The following SEPTIN9 variants were observed in gnomAD, a reference collection of about 807,000 sequenced individuals.
SEPTIN9 encodes septin-9.
Under a neutral mutation model 56.6 loss-of-function variants are expected in SEPTIN9, and 13 were observed. That is an observed-to-expected ratio of 0.23 (90% confidence interval 0.15 to 0.37). SEPTIN9 has a LOEUF of 0.37. Among genes scored for constraint, SEPTIN9 ranks in the 10% least tolerant of loss-of-function variants. The pLI is 1.00. For missense variants in SEPTIN9, 650 were observed against 823.1 expected, an observed-to-expected ratio of 0.79 and a Z score of 2.57; for synonymous variants, 332 against 334.1, an observed-to-expected ratio of 0.99 and a Z score of 0.07.
chr17:77,479,683 C>T (rs545969450), intron 3 of SEPTIN9, among the ~76,000 whole-genome samples: 4 of 152,158 alleles, frequency 2.6e-5, no homozygotes, highest in Admixed American at 1.3e-4. Flanking sequence ...GCCCCTCCCT[C>T]GCTCTGGGCT....
At chr17:77,293,908 G>A (rs1422136932) in intron 1 of SEPTIN9, among the ~76,000 whole-genome samples, 3 of 151,814 alleles carry the variant, frequency 2.0e-5, no homozygotes, top group Admixed American at 6.6e-5. Context: ...GTTCAAGACC[G>A]GTCCGGGCAG....
At chr17:77,321,591 T>C (rs1021281406) in intron 2 of SEPTIN9, among the ~76,000 whole-genome samples, 4 of 152,090 alleles carry the variant, frequency 2.6e-5, no homozygotes, top group Non-Finnish European at 5.9e-5. Context: ...GGTTTCACCG[T>C]GTCAACCAGG....
chr17:77,311,016 G>A (rs73369800), intron 2 of SEPTIN9, among the ~76,000 whole-genome samples: 7,221 of 152,232 alleles, frequency 0.047, 472 homozygotes, highest in East Asian at 0.22. Context: ...GGGAGTTGGA[G>A]ATGGGGTCTT....
intron 3 of SEPTIN9, among the ~76,000 whole-genome samples, chr17:77,414,789 G>T (rs1171840865): frequency 6.6e-6 from 1 of 152,074 alleles, no homozygotes; most frequent in Non-Finnish European, 1.5e-5. Context: ...TGTTGCCCAG[G>T]CTGGTCTTGA....
At chr17:77,359,121 A>G (rs1010995846) in intron 2 of SEPTIN9, among the ~76,000 whole-genome samples, 3 of 152,154 alleles carry the variant, frequency 2.0e-5, no homozygotes, top group African/African-American at 7.2e-5. Flanking sequence ...CTGAAAGTTA[A>G]ACACTTCAGC....
chr17:77,285,729 A>G (rs1351962187), intron 1 of SEPTIN9, among the ~76,000 whole-genome samples: 3 of 152,118 alleles, frequency 2.0e-5, no homozygotes, highest in African/African-American at 7.2e-5. Flanking sequence ...CTTTCAGGAG[A>G]TTCCTGAAGG....
At chr17:77,448,433 G>A (rs537207471) in intron 3 of SEPTIN9, among the ~76,000 whole-genome samples, 10 of 151,232 alleles carry the variant, frequency 6.6e-5, no homozygotes, top group African/African-American at 1.9e-4. Context: ...CCAAGATCAC[G>A]CCATTGCGCT....
chr17:77,364,926 A>C (rs2034527890), intron 2 of SEPTIN9, among the ~76,000 whole-genome samples: 1 of 152,122 alleles, frequency 6.6e-6, no homozygotes, highest in African/African-American at 2.4e-5. Context: ...CTTCACAACC[A>C]CCACTGGATG....
Position 77,437,976 on chromosome 17 carries a change from C to T in SEPTIN9, c.721+35273C>T, listed in dbSNP as rs1000997241. Among the ~76,000 whole-genome samples, 3 of 152,198 alleles carry T rather than the reference C, an allele frequency of 2.0e-5. No individual in the cohort carries two copies. The highest frequency in any genetic ancestry group is 7.2e-5 in the African/African-American group (3 of 41,448). Reference sequence around the variant, plus strand: ...TGCACCCATTGAAGGCGGCATCATCCGGGCCTCTCCGGTGGCCATGCATGG... The same window carrying T: ...TGCACCCATTGAAGGCGGCATCATCTGGGCCTCTCCGGTGGCCATGCATGG... On this transcript the variant is annotated intron_variant, in intron 3 of 11. Transcript: ENST00000427177. This position sits in a 1 kb window ranked among gnomAD's most constrained non-coding sequence, Gnocchi z 5.3.
intron 3 of SEPTIN9, chr17:77,466,533 T>A (rs936003393): frequency 2.4e-5 from 24 of 985,316 alleles, no homozygotes; most frequent in Non-Finnish European, 2.9e-5. Context: ...GGGCATTTCT[T>A]CCAGGAGGTC....
intron 3 of SEPTIN9, among the ~76,000 whole-genome samples, chr17:77,474,616 G>C (rs2039135071): frequency 6.6e-6 from 1 of 152,154 alleles, no homozygotes; most frequent in Non-Finnish European, 1.5e-5. Flanking sequence ...TCTGGGTCCT[G>C]GCTGCAGGAA....
At chr17:77,465,339 A>G (rs111607547) in intron 3 of SEPTIN9, among the ~76,000 whole-genome samples, 250 of 152,288 alleles carry the variant, frequency 1.6e-3, no homozygotes, top group African/African-American at 5.6e-3. Context: ...ACATGTTTTC[A>G]TTTCTCTTGG....
At chr17:77,466,412 C>T in intron 3 of SEPTIN9, 5 of 985,528 alleles carry the variant, frequency 5.1e-6, no homozygotes, top group Non-Finnish European at 6.0e-6. Context: ...CTGGAAGGGC[C>T]TGGGAGGGGA....
At chr17:77,491,670 G>T (rs1257049487) in intron 8 of SEPTIN9, among the ~76,000 whole-genome samples, 1 of 151,784 alleles carries the variant, frequency 6.6e-6, no homozygotes, top group Non-Finnish European at 1.5e-5. Context: ...GTCGGGCATG[G>T]TGGCGGGCGC....
chr17:77,430,305 C>T (rs2037078129), intron 3 of SEPTIN9, among the ~76,000 whole-genome samples: 1 of 152,162 alleles, frequency 6.6e-6, no homozygotes, highest in Non-Finnish European at 1.5e-5. Flanking sequence ...GCAGTTTTTA[C>T]AAATCTGTCC....
Position 77,281,538 on chromosome 17 carries a change from GA to G in SEPTIN9, c.5del (p.Lys2ArgfsTer26). The G allele has an allele frequency of 6.4e-7, 1 of 1,550,474 alleles. No individual in the cohort carries two copies. Among genetic ancestry groups the G allele is most frequent in the South Asian group, 1.2e-5 (1 of 83,980 alleles). Reference protein sequence around the residue: MKKSYSGGTRTS... With the variant: MXKSYSGGTRTS... ...GGAGCGGCGGCCACGGAGGCACCAT[GA>G]AGAAGTCTTACTCAGGTGGGCTTCG... On this transcript the variant is annotated frameshift_variant, in exon 1 of 12. Coordinates refer to ENST00000427177, the MANE Select transcript of SEPTIN9 (RefSeq NM_001113491.2). LOFTEE classifies it high-confidence loss of function.
chr17:77,405,915 C>T lies in SEPTIN9; in HGVS notation c.721+3212C>T, dbSNP rs940729971. On this transcript the variant is annotated intron_variant, in intron 3 of 11. Coordinates refer to ENST00000427177, the MANE Select transcript of SEPTIN9 (RefSeq NM_001113491.2). This position sits in a 1 kb window ranked among gnomAD's most constrained non-coding sequence, Gnocchi z 5.8. Reference sequence around the variant, plus strand: ...CATGCACAGCTCTGACCAATCTCTGCGGCCCCTCTGTCCCCCGAGCACCAG... The same window carrying T: ...CATGCACAGCTCTGACCAATCTCTGTGGCCCCTCTGTCCCCCGAGCACCAG... Among the ~76,000 whole-genome samples the T allele has an allele frequency of 6.6e-6, 1 of 152,330 alleles. No individual in the cohort carries two copies. Among genetic ancestry groups the T allele is most frequent in the South Asian group, 2.1e-4 (1 of 4,826 alleles).
chr17:77,350,779 G>T (rs1027255807), intron 2 of SEPTIN9, among the ~76,000 whole-genome samples: 20 of 152,358 alleles, frequency 1.3e-4, no homozygotes, highest in East Asian at 1.2e-3. Context: ...CAGGAGGTGG[G>T]TAGATGCCAC....
chr17:77,355,247 T>A (rs1403310154), intron 2 of SEPTIN9, among the ~76,000 whole-genome samples: 1 of 152,130 alleles, frequency 6.6e-6, no homozygotes, highest in East Asian at 1.9e-4. Context: ...AAGCAGTGAC[T>A]CTCTCCATCC....
Sources: gnomAD v4.1 joint callset for allele counts (sites outside exome capture counted in the v4.1 genomes callset) on GRCh38, gnomAD v4.1.1 for gene constraint, Gnocchi (gnomAD v3.1) non-coding constraint, MANE v1.5 for transcripts, NCBI Gene and HGNC (gene_info 2026-07-23, HGNC 2026-07-21) for gene names.